Variants in BTG4 observed in about 807,000 individuals in gnomAD.
BTG4 encodes BTG anti-proliferation factor 4.
In BTG4, 10 loss-of-function variants were observed where a neutral mutation model predicts 19.3. That is an observed-to-expected ratio of 0.52 (90% CI 0.32 to 0.88). The LOEUF (loss-of-function observed/expected upper bound fraction) is 0.88, where lower values mean the gene tolerates loss of function less well. Ranked by LOEUF, BTG4 falls within the 40% of genes least tolerant of loss-of-function variation. BTG4 has a pLI of 0.04. For synonymous variants in BTG4, 91 were observed against 95.7 expected, an observed-to-expected ratio of 0.95 and a Z score of 0.29; for missense variants, 238 against 281.9, an observed-to-expected ratio of 0.84 and a Z score of 1.11.
chr11:111,485,402 C>T (rs889830157), intron 5 of BTG4, among the ~76,000 whole-genome samples: 1 of 152,122 alleles, frequency 6.6e-6, no homozygotes, highest in Non-Finnish European at 1.5e-5. Context: ...ATCATATCAA[C>T]TACTTTTTCC....
downstream of BTG4, among the ~76,000 whole-genome samples, chr11:111,465,452 A>G (rs1188592115): frequency 2.0e-5 from 3 of 152,232 alleles, no homozygotes; most frequent in African/African-American, 7.2e-5. Context: ...TATGCCACAT[A>G]CTATTCTAAC....
chr11:111,501,697 T>C (rs1489534705), intron 1 of BTG4, among the ~76,000 whole-genome samples: 1 of 152,164 alleles, frequency 6.6e-6, no homozygotes, highest in Non-Finnish European at 1.5e-5. Flanking sequence ...AAAAGATAAA[T>C]GTTTGAGGTA....
chr11:111,481,878 T>A (rs1345507706), intron 5 of BTG4, among the ~76,000 whole-genome samples: 2 of 151,918 alleles, frequency 1.3e-5, no homozygotes, highest in Admixed American at 6.6e-5. Context: ...ATCTACTTAA[T>A]GGTGAAGGAT....
At chr11:111,391,362 G>A in the BTG4 span, among the ~76,000 whole-genome samples, 1 of 152,214 alleles carries the variant, frequency 6.6e-6, no homozygotes, top group Non-Finnish European at 1.5e-5. Context: ...TGAAATACAG[G>A]CAGGAATTTA....
chr11:111,439,041 C>T, the BTG4 span, among the ~76,000 whole-genome samples: 47 of 152,326 alleles, frequency 3.1e-4, no homozygotes, highest in Non-Finnish European at 5.1e-4. Flanking sequence ...TGGGCTGCCC[C>T]CTGTCCCGCA....
chr11:111,456,181 G>T, the BTG4 span, among the ~76,000 whole-genome samples: 2 of 152,300 alleles, frequency 1.3e-5, no homozygotes, highest in South Asian at 2.1e-4. This position sits in a 1 kb window ranked among gnomAD's most constrained non-coding sequence, Gnocchi z 4.2. Flanking sequence ...GAAGGCAAAC[G>T]GCCAAGTTTG....
At chr11:111,426,308 G>A in the BTG4 span, among the ~76,000 whole-genome samples, 1 of 152,024 alleles carries the variant, frequency 6.6e-6, no homozygotes, top group African/African-American at 2.4e-5. Context: ...TGGATTGAGA[G>A]TGGTTGTATC....
chr11:111,433,529 A>C, the BTG4 span, among the ~76,000 whole-genome samples: 1 of 152,172 alleles, frequency 6.6e-6, no homozygotes, highest in African/African-American at 2.4e-5. Context: ...AAAAGCAATG[A>C]CAACAAAAGC....
intron 1 of BTG4, among the ~76,000 whole-genome samples, chr11:111,510,726 T>C (rs1048320771): frequency 6.6e-6 from 1 of 152,234 alleles, no homozygotes; most frequent in Non-Finnish European, 1.5e-5. Flanking sequence ...AAACTCATTT[T>C]AAAAAGTTAT....
the BTG4 span, chr11:111,415,793 C>T: frequency 8.7e-4 from 132 of 152,550 alleles, 1 homozygote; most frequent in African/African-American, 3.0e-3. Context: ...GTAATCTCAA[C>T]ACTTTGCAAG....
the BTG4 span, among the ~76,000 whole-genome samples, chr11:111,400,517 C>T: frequency 6.6e-6 from 1 of 152,234 alleles, no homozygotes; most frequent in South Asian, 2.1e-4. Context: ...TTTAATATAG[C>T]ATAACTTTAA....
chr11:111,487,006 T>C (rs566579895), intron 5 of BTG4, among the ~76,000 whole-genome samples: 2 of 151,900 alleles, frequency 1.3e-5, no homozygotes, highest in African/African-American at 2.4e-5. Context: ...CCAGTGTATG[T>C]TGTTCCCCTC....
At chr11:111,446,582 T>A in the BTG4 span, among the ~76,000 whole-genome samples, 1 of 151,932 alleles carries the variant, frequency 6.6e-6, no homozygotes, top group Non-Finnish European at 1.5e-5. Flanking sequence ...CAGATGCTAA[T>A]CTTACTTCCT....
intron 5 of BTG4, among the ~76,000 whole-genome samples, chr11:111,485,896 G>A (rs757969122): frequency 2.0e-5 from 3 of 152,140 alleles, no homozygotes; most frequent in Non-Finnish European, 4.4e-5. Flanking sequence ...GGAAAAAAGA[G>A]AGAAGAACCA....
chr11:111,438,927 T>C, the BTG4 span, among the ~76,000 whole-genome samples: 2 of 152,116 alleles, frequency 1.3e-5, no homozygotes, highest in African/African-American at 4.8e-5. Context: ...CCACCAGAAA[T>C]CTCTGGCCAA....
chr11:111,478,764 G>C (rs1035001719), intron 5 of BTG4, among the ~76,000 whole-genome samples: 1 of 152,010 alleles, frequency 6.6e-6, no homozygotes, highest in African/African-American at 2.4e-5. Flanking sequence ...GGAAGAGATA[G>C]AGGAAAAATC....
At chr11:111,391,140 A>G in the BTG4 span, among the ~76,000 whole-genome samples, 26 of 152,190 alleles carry the variant, frequency 1.7e-4, no homozygotes. Context: ...AACCATATAG[A>G]CATCAGTGGC....
At chr11:111,404,795 T>C in the BTG4 span, 20 of 395,742 alleles carry the variant, frequency 5.1e-5, no homozygotes, top group East Asian at 1.4e-3. Context: ...GACCAGGAAC[T>C]GAATGGTATA....
chr11:111,455,265 G>T, the BTG4 span: 1 of 352,436 alleles, frequency 2.8e-6, no homozygotes, highest in Non-Finnish European at 5.7e-6. Flanking sequence ...CTTTGCCGCT[G>T]CTGCCATGCC....
Sources: allele counts gnomAD v4.1 joint callset (sites outside exome capture counted in the v4.1 genomes callset), GRCh38; gene constraint gnomAD v4.1.1; non-coding constraint Gnocchi (gnomAD v3.1); transcripts MANE v1.5; gene names NCBI Gene and HGNC (gene_info 2026-07-23, HGNC 2026-07-21).